The following FSD1L variants were observed in gnomAD, a reference collection of about 807,000 sequenced individuals.
FSD1L encodes the protein FSD1-like protein.
In FSD1L, 45 loss-of-function variants were observed where a neutral mutation model predicts 71.6. That is an observed-to-expected ratio of 0.63 (90% CI 0.49 to 0.81). FSD1L has a LOEUF of 0.81. Among genes scored for constraint, FSD1L ranks in the 30% least tolerant of loss-of-function variants. The pLI is 0.00. For missense variants in FSD1L, 561 were observed against 618.1 expected, an observed-to-expected ratio of 0.91 and a Z score of 0.98; for synonymous variants, 197 against 207.2, an observed-to-expected ratio of 0.95 and a Z score of 0.42.
intron 5 of FSD1L, among the ~76,000 whole-genome samples, chr9:105,476,040 T>A (rs1239072183): frequency 6.6e-6 from 1 of 152,202 alleles, no homozygotes; most frequent in African/African-American, 2.4e-5. Context: ...AGATACTTTA[T>A]CTTCAAAGTG....
chr9:105,541,178 A>C (rs1486041001), intron 13 of FSD1L, among the ~76,000 whole-genome samples: 2 of 152,150 alleles, frequency 1.3e-5, no homozygotes, highest in Non-Finnish European at 1.5e-5. Flanking sequence ...AGTTTAAAAC[A>C]ATGCTAATAA....
upstream of FSD1L, among the ~76,000 whole-genome samples, chr9:105,446,162 T>C (rs1171423899): frequency 2.6e-5 from 4 of 152,064 alleles, no homozygotes; most frequent in Non-Finnish European, 4.4e-5. Flanking sequence ...ATGACAACAT[T>C]GTAGAATAAA....
intron 7 of FSD1L, among the ~76,000 whole-genome samples, chr9:105,494,592 T>C (rs909015762): frequency 3.2e-4 from 49 of 152,202 alleles, no homozygotes; most frequent in Admixed American, 3.2e-3. Context: ...TTTTAGAGTT[T>C]CCAGTTTTTC....
chr9:105,455,340 T>G (rs1043713530), intron 1 of FSD1L, among the ~76,000 whole-genome samples: 1 of 152,210 alleles, frequency 6.6e-6, no homozygotes, highest in African/African-American at 2.4e-5. Flanking sequence ...ATTTGGTGGC[T>G]CTGGGTTTCT....
At chr9:105,481,759 C>T (rs546634031) in intron 6 of FSD1L, among the ~76,000 whole-genome samples, 10 of 151,736 alleles carry the variant, frequency 6.6e-5, no homozygotes, top group Admixed American at 3.9e-4. Flanking sequence ...TAGCTATTTT[C>T]ACCAAGCAAA....
intron 5 of FSD1L, among the ~76,000 whole-genome samples, chr9:105,478,689 A>C (rs1161625461): frequency 1.3e-5 from 2 of 152,120 alleles, no homozygotes; most frequent in African/African-American, 4.8e-5. Context: ...CAAAAGAGAT[A>C]CCTTATATAT....
In FSD1L at chr9:105,549,448, G is replaced by T. The variant is rs796649813; in HGVS notation, c.*2965G>T. The stretch of plus-strand genomic sequence containing the variant: ...AATGCACACAGAAATTTAATATACA[G>T]CAATTCTTTGAATGTTCCAGGTGTA... On this transcript the variant is annotated 3_prime_UTR_variant, in exon 14 of 14. Transcript: ENST00000481272. 4.6e-5 allele frequency: 7 copies of T among 152,158 alleles called. No homozygotes were observed. Among genetic ancestry groups the T allele is most frequent in the South Asian group, 2.1e-4 (1 of 4,824 alleles). The allele number at this position is 152,158 out of a possible 1,614,324, so 9.4% of individuals were successfully genotyped here.
chr9:105,494,780 G>T (rs1160064720), intron 7 of FSD1L, among the ~76,000 whole-genome samples: 1 of 152,184 alleles, frequency 6.6e-6, no homozygotes, highest in Non-Finnish European at 1.5e-5. Flanking sequence ...GACCCTGTTT[G>T]CCTGGGTACC....
intron 7 of FSD1L, among the ~76,000 whole-genome samples, chr9:105,488,472 G>A (rs1364399356): frequency 6.6e-6 from 1 of 152,106 alleles, no homozygotes; most frequent in Non-Finnish European, 1.5e-5. Flanking sequence ...TATGAATAAG[G>A]CTACTATAAA....
chr9:105,442,981 G>T (rs2771036), upstream of FSD1L, among the ~76,000 whole-genome samples: 132,032 of 152,290 alleles, frequency 0.87, 57,658 homozygotes, highest in Middle Eastern at 0.98. Context: ...AAATTTGAAG[G>T]CAATGATCAT....
intron 1 of FSD1L, among the ~76,000 whole-genome samples, chr9:105,460,564 C>G (rs1830624969): frequency 6.7e-6 from 1 of 148,600 alleles, no homozygotes; most frequent in Non-Finnish European, 1.5e-5. Context: ...TGCACTCTAG[C>G]CTGGGTGACA....
intron 13 of FSD1L, among the ~76,000 whole-genome samples, chr9:105,542,115 C>T (rs1005313677): frequency 1.5e-4 from 23 of 152,228 alleles, no homozygotes; most frequent in African/African-American, 5.3e-4. Flanking sequence ...GGGTAAATAC[C>T]TAAGAGCAGT....
Position 105,515,194 on chromosome 9 carries a change from C to A in FSD1L, c.1025+2258C>A, listed in dbSNP as rs77240998. Among the ~76,000 whole-genome samples, 1,376 of 152,262 alleles carry A rather than the reference C, an allele frequency of 9.0e-3. 22 individuals are homozygous for A. Among genetic ancestry groups the A allele is most frequent in the African/African-American group, 0.032 (1,319 of 41,526 alleles). On this transcript the variant is annotated intron_variant, in intron 10 of 13. Coordinates refer to ENST00000481272, the MANE Select transcript of FSD1L (RefSeq NM_001145313.3). ...GCCCCCACCCTGCCTCATCAACGCCCGCCTACGCTTGGGCCTGAAAGATCA... is the reference window on the plus strand; with the variant it reads ...GCCCCCACCCTGCCTCATCAACGCCAGCCTACGCTTGGGCCTGAAAGATCA...
intron 7 of FSD1L, among the ~76,000 whole-genome samples, chr9:105,495,290 A>G (rs1241777577): frequency 1.3e-5 from 2 of 152,126 alleles, no homozygotes; most frequent in African/African-American, 2.4e-5. Context: ...CCGTGGGTGT[A>G]GGACCCTCGG....
At position 105,471,901 on chromosome 9, in the gene FSD1L, T is replaced by A; in HGVS notation, c.340-3T>A. 1.5e-5 allele frequency: 16 copies of A among 1,042,034 alleles called. No homozygotes were observed. The highest frequency in any genetic ancestry group is 2.5e-5 in the South Asian group (1 of 40,472). The allele number at this position is 1,042,034 out of a possible 1,614,324, so 64.5% of individuals were successfully genotyped here. A position where few individuals can be genotyped will look rare whatever the true frequency, so the allele number is the denominator to read the frequency against. On this transcript the variant is annotated splice_region_variant and splice_polypyrimidine_tract_variant and intron_variant, in intron 4 of 13. Transcript: ENST00000481272. Reference sequence around the variant, plus strand: ...GACTTAGTTTTTTTTTTTTTTTCCCTAGAGTCAGATTAGTCAATGTAATAA... The same window carrying A: ...GACTTAGTTTTTTTTTTTTTTTCCCAAGAGTCAGATTAGTCAATGTAATAA...
chr9:105,500,011 C>T (rs1300583333), intron 7 of FSD1L, among the ~76,000 whole-genome samples: 1 of 152,082 alleles, frequency 6.6e-6, no homozygotes, highest in Non-Finnish European at 1.5e-5. Flanking sequence ...TTATCTTTAG[C>T]CTTTCTTTGC....
intron 8 of FSD1L, among the ~76,000 whole-genome samples, chr9:105,507,804 A>G (rs961066743): frequency 4.6e-5 from 7 of 152,196 alleles, no homozygotes; most frequent in Non-Finnish European, 2.9e-5. Flanking sequence ...CTGGGTTAAA[A>G]TAACAGTTGA....
intron 1 of FSD1L, among the ~76,000 whole-genome samples, chr9:105,454,562 G>A (rs1343845513): frequency 1.3e-5 from 2 of 152,052 alleles, no homozygotes; most frequent in Admixed American, 6.6e-5. Flanking sequence ...ACTAATACTC[G>A]CATCTCCACT....
rs1250527870 is a variant in FSD1L at position 105,534,515 on chromosome 9, C to T, written c.1048C>T (p.Arg350Ter). 3.9e-6 allele frequency: 6 copies of T among 1,548,730 alleles called. No homozygotes were observed. The highest frequency in any genetic ancestry group is 4.9e-5 in the East Asian group (2 of 40,894). ...KGRSGTPSPK[R>*]TSVGSRPPAV... ...TAGAAGTGGTACACCATCCCCAAAA[C>T]GAACATCTGTAGGCTCCAGGCCACC... The change falls in exon 11 of 14, where the codon CGA becomes TGA. Residue 350 changes from arginine (R) to a stop codon, truncating the protein, a stop_gained. Coordinates refer to ENST00000481272, the MANE Select transcript of FSD1L (RefSeq NM_001145313.3). LOFTEE classifies it high-confidence loss of function.
Sources: allele counts gnomAD v4.1 joint callset (sites outside exome capture counted in the v4.1 genomes callset), GRCh38; gene constraint gnomAD v4.1.1; transcripts MANE v1.5; gene names NCBI Gene and HGNC (gene_info 2026-07-23, HGNC 2026-07-21).